Variants in ZMYM4 observed in about 807,000 individuals in gnomAD.
The protein encoded by ZMYM4 is zinc finger MYM-type protein 4.
In ZMYM4, 31 loss-of-function variants were observed where a neutral mutation model predicts 183.2. That is an observed-to-expected ratio of 0.17 (90% CI 0.13 to 0.23). The LOEUF is 0.23. Among genes scored for constraint, ZMYM4 ranks in the 10% least tolerant of loss-of-function variants. The probability of loss-of-function intolerance (pLI) is 1.00; values close to 1 mark genes in which losing one functional copy is unlikely to be tolerated. For synonymous variants in ZMYM4, 592 were observed against 631.2 expected, an observed-to-expected ratio of 0.94 and a Z score of 0.93; for missense variants, 1,273 against 1,840.3, an observed-to-expected ratio of 0.69 and a Z score of 5.64.
At position 35,414,135 on chromosome 1, in the gene ZMYM4, T is replaced by C. The variant is rs765662893; in HGVS notation, c.4060+52T>C. The C allele has an allele frequency of 5.3e-6, 6 of 1,140,222 alleles. No individual in the cohort carries two copies. The South Asian group carries it at 8.3e-5, about 16-fold the overall frequency. 70.6% of individuals were successfully genotyped at this position (1,140,222 alleles called of 1,614,324 possible). ...TCATGATATGCTTTCTTAAATTGCT[T>C]AACTTTTTTGGTTATCTTTAAAAAA... is the stretch of plus-strand genomic sequence containing the variant. On this transcript the variant is annotated intron_variant, in intron 27 of 29. Transcript: ENST00000314607.
intron 2 of ZMYM4, among the ~76,000 whole-genome samples, chr1:35,352,269 G>GCACA (rs56011152): frequency 8.0e-5 from 10 of 124,526 alleles, no homozygotes; most frequent in South Asian, 5.2e-4. Flanking sequence ...ACGCGCGCGC[G>GCACA]CACACACACA....
At chr1:35,375,066 C>A (rs948546795) in intron 7 of ZMYM4, among the ~76,000 whole-genome samples, 1 of 152,130 alleles carries the variant, frequency 6.6e-6, no homozygotes, top group Admixed American at 6.6e-5. Context: ...AGTCTTTTAC[C>A]CTTTTTTTAT....
At position 35,352,269 on chromosome 1, in the gene ZMYM4, GCACACACACACACA is replaced by G. The variant is rs56011152; in HGVS notation, c.86-6629_86-6616del. The stretch of plus-strand genomic sequence containing the variant: ...TAAAAATTAGCGCGCACGCGCGCGC[GCACACACACACACA>G]CACACACACACACACACACACACAC... On this transcript the variant is annotated intron_variant, in intron 2 of 29. Coordinates refer to ENST00000314607, the MANE Select transcript of ZMYM4 (RefSeq NM_005095.3). Among the ~76,000 whole-genome samples the G allele has an allele frequency of 1.1e-3, 137 of 124,580 alleles. 1 individual carries two copies. The highest frequency in any genetic ancestry group is 3.6e-3 in the African/African-American group (108 of 30,110). The allele number at this position is 124,580 out of a possible 152,430, so 81.7% of individuals were successfully genotyped here. A position where few individuals can be genotyped will look rare whatever the true frequency, so the allele number is the denominator to read the frequency against.
At position 35,325,364 on chromosome 1, in the gene ZMYM4, A is replaced by T; in HGVS notation, c.44A>T (p.Glu15Val). The T allele has an allele frequency of 6.2e-7, 1 of 1,604,210 alleles. No individual in the cohort carries two copies. The highest frequency in any genetic ancestry group is 2.2e-5 in the East Asian group (1 of 44,454). The change falls in exon 2 of 30, where the codon GAA becomes GTA. Residue 15 changes from glutamate to valine, a missense_variant. By Grantham distance (121) the Glu-to-Val change is moderately radical (BLOSUM62 -2). Coordinates refer to ENST00000314607, the MANE Select transcript of ZMYM4 (RefSeq NM_005095.3). ...TTTCCTTTTTTGCTTTTCCAGTTTG[A>T]ACAAAAAAGTGGTGCAGTTTTTGAT... ...EVESGPRKRF[E>V]QKSGAVFDEI...
intron 7 of ZMYM4, among the ~76,000 whole-genome samples, chr1:35,380,360 C>T (rs1488738431): frequency 1.3e-5 from 2 of 151,988 alleles, no homozygotes; most frequent in Non-Finnish European, 2.9e-5. Context: ...CAGAGTCTCG[C>T]TCTGTCGCCC....
chr1:35,278,955 A>C (rs1053391628), intron 1 of ZMYM4, among the ~76,000 whole-genome samples: 1 of 152,204 alleles, frequency 6.6e-6, no homozygotes, highest in African/African-American at 2.4e-5. Flanking sequence ...CAAAAGGAAG[A>C]AAATGGAAAG....
chr1:35,408,259 C>G (rs1639712938), intron 26 of ZMYM4, 100 bp downstream of exon 26: 4 of 1,358,432 alleles, frequency 2.9e-6, no homozygotes, highest in Non-Finnish European at 4.0e-6. Context: ...CAGATATATA[C>G]TGGTATTTTC....
intron 1 of ZMYM4, chr1:35,310,355 A>G: frequency 3.8e-6 from 1 of 265,212 alleles, no homozygotes; most frequent in Non-Finnish European, 7.3e-6. Flanking sequence ...CATGAGGGGC[A>G]AGTTTTTCAC....
At position 35,415,661 on chromosome 1, in the gene ZMYM4, A is replaced by G; in HGVS notation, c.4256A>G (p.Lys1419Arg). ...ACCAGGACTCTGAAGTACAGTACCA[A>G]GATGACATATCTGAGGTTCTTCCCA... ...RRTRTLKYST[K>R]MTYLRFFPPL... Residue 1419 changes from lysine to arginine, a missense_variant, in exon 28 of 30, where the codon AAG (lysine) becomes AGG (arginine). Coordinates refer to ENST00000314607, the MANE Select transcript of ZMYM4 (RefSeq NM_005095.3). 6.2e-7 allele frequency: 1 copy of G among 1,614,122 alleles called. No homozygotes were observed. Among genetic ancestry groups the G allele is most frequent in the Non-Finnish European group, 8.5e-7 (1 of 1,180,034 alleles).
intron 2 of ZMYM4, chr1:35,350,860 C>T: frequency 1.7e-6 from 1 of 578,548 alleles, no homozygotes; most frequent in Non-Finnish European, 3.1e-6. Context: ...ATACAAAACA[C>T]ACAAATACAG....
intron 2 of ZMYM4, among the ~76,000 whole-genome samples, chr1:35,333,243 C>T (rs921850819): frequency 2.0e-5 from 3 of 147,146 alleles, no homozygotes; most frequent in Admixed American, 1.4e-4. Flanking sequence ...TTGCATGAAT[C>T]TGATCATACA....
intron 1 of ZMYM4, among the ~76,000 whole-genome samples, chr1:35,310,978 TCTTATA>T (rs762065375): frequency 1.4e-4 from 21 of 152,156 alleles, no homozygotes; most frequent in Non-Finnish European, 2.4e-4. Context: ...ACACATAGAT[TCTTATA>T]AACACCACCG....
chr1:35,324,807 G>A (rs1203654733), intron 1 of ZMYM4, among the ~76,000 whole-genome samples: 3 of 152,090 alleles, frequency 2.0e-5, no homozygotes, highest in African/African-American at 4.8e-5. Context: ...TGGAGTTACC[G>A]GTGCTTTGCT....
chr1:35,302,520 G>C (rs1387969078), intron 1 of ZMYM4, among the ~76,000 whole-genome samples: 1 of 151,280 alleles, frequency 6.6e-6, no homozygotes, highest in Non-Finnish European at 1.5e-5. Flanking sequence ...CGAGTAGCTG[G>C]AACTATGGGT....
chr1:35,362,878 G>T (rs868859545), intron 5 of ZMYM4, among the ~76,000 whole-genome samples: 30 of 152,108 alleles, frequency 2.0e-4, no homozygotes, highest in Middle Eastern at 6.8e-3. Context: ...ATTAAAAAAA[G>T]ATTTGTAGAG....
chr1:35,354,203 C>G (rs116062522), intron 2 of ZMYM4, among the ~76,000 whole-genome samples: 5 of 152,196 alleles, frequency 3.3e-5, no homozygotes, highest in Non-Finnish European at 7.4e-5. Context: ...CTGTAAATCT[C>G]CAGTGCATTT....
Position 35,397,492 on chromosome 1 carries a change from A to G in ZMYM4, c.3146A>G (p.Glu1049Gly). The G allele has an allele frequency of 6.2e-7, 1 of 1,613,596 alleles. No homozygotes were observed. The highest frequency in any genetic ancestry group is 8.5e-7 in the Non-Finnish European group (1 of 1,179,730). Residue 1049 changes from glutamate to glycine, a missense_variant, in exon 20 of 30, where the codon GAG becomes GGG. This residue lies in a region of ZMYM4 where 290 missense variants were observed against 353.3 expected (regional missense o/e 0.82). Coordinates refer to ENST00000314607, the MANE Select transcript of ZMYM4 (RefSeq NM_005095.3). Reference protein sequence around the residue: ...PTHPFEADLLEMAEMIAEDEE... With the variant: ...PTHPFEADLLGMAEMIAEDEE... ...CATCCATTTGAAGCTGATCTCCTTGAGATGGCAGAAATGATTGCAGAAGAT... is the reference window on the plus strand; with the variant it reads ...CATCCATTTGAAGCTGATCTCCTTGGGATGGCAGAAATGATTGCAGAAGAT...
At chr1:35,379,297 C>G (rs562179660) in intron 7 of ZMYM4, among the ~76,000 whole-genome samples, 23 of 152,324 alleles carry the variant, frequency 1.5e-4, no homozygotes, top group South Asian at 1.0e-3. Context: ...GATGGGATTT[C>G]ACCATGTTGG....
At chr1:35,397,349 A>G (rs1644826392) in intron 19 of ZMYM4, 28 bp from the exon 20 acceptor site, 2 of 1,497,206 alleles carry the variant, frequency 1.3e-6, no homozygotes, top group South Asian at 1.5e-5. Flanking sequence ...TGCCAAAGAA[A>G]GCCTTCAGTC....
Sources: gnomAD v4.1 joint callset for allele counts (sites outside exome capture counted in the v4.1 genomes callset) on GRCh38, gnomAD v4.1.1 for gene constraint, gnomAD v4.1.1 regional missense constraint, MANE v1.5 for transcripts, NCBI Gene and HGNC (gene_info 2026-07-23, HGNC 2026-07-21) for gene names.